CRY1: variants seen among roughly 807,000 people sequenced by gnomAD.
The protein encoded by CRY1 is cryptochrome-1.
CRY1 carries 45 observed loss-of-function variants against 76.0 expected under a neutral mutation model. The observed-to-expected ratio is 0.59, with a 90% confidence interval of 0.47 to 0.76. CRY1 has a LOEUF of 0.76. Among genes scored for constraint, CRY1 ranks in the 30% least tolerant of loss-of-function variants. The pLI is 0.00. For missense variants in CRY1, 587 were observed against 716.4 expected (o/e 0.82, Z 2.06); for synonymous variants, 248 against 244.0 (o/e 1.02, Z -0.15).
chr12:107,036,275 A>ACC (rs1188545997), intron 1 of CRY1, among the ~76,000 whole-genome samples: 1 of 152,208 alleles, frequency 6.6e-6, no homozygotes, highest in Admixed American at 6.5e-5. Context: ...GGTGAACACT[A>ACC]CCACATCATC....
rs182044029 is a variant in CRY1 at position 107,066,859 on chromosome 12, T to C, written c.158+25945A>G. 1.5e-3 allele frequency among the ~76,000 whole-genome samples: 224 copies of C among 152,136 alleles called. 3 individuals carry two copies. Among genetic ancestry groups the C allele is most frequent in the African/African-American group, 5.2e-3 (217 of 41,508 alleles). On this transcript the variant is annotated intron_variant, in intron 1 of 12. Coordinates refer to ENST00000008527, the MANE Select transcript of CRY1 (RefSeq NM_004075.5). ...TGCCCAGGCTGGAGTACAGTGGCAC[T>C]GGAGATCATGGCTCACCACACCCTC...
intron 1 of CRY1, among the ~76,000 whole-genome samples, chr12:107,066,189 C>A (rs1953108078): frequency 6.6e-6 from 1 of 152,162 alleles, no homozygotes; most frequent in African/African-American, 2.4e-5. Flanking sequence ...TTGCCCATCC[C>A]CCAACACCAA....
Position 107,001,873 on chromosome 12 carries a change from T to G in CRY1, c.486A>C (p.Pro162=). 1.9e-6 allele frequency: 3 copies of G among 1,602,524 alleles called. No homozygotes were observed. Among genetic ancestry groups the G allele is most frequent in the South Asian group, 1.1e-5 (1 of 88,078 alleles). Residue 162 remains proline (P), a synonymous_variant, in exon 4 of 13, where the codon CCA becomes CCC. Coordinates refer to ENST00000008527, the MANE Select transcript of CRY1 (RefSeq NM_004075.5). ...TAATTGTCTCTACTGGTATCTCTAG[T>G]GGTTCCATTTTGCTGATGAGAGTCT... ...RFQTLISKME[P]LEIPVETITS...
chr12:106,998,618 G>A (rs1952259966), intron 7 of CRY1, among the ~76,000 whole-genome samples: 1 of 150,540 alleles, frequency 6.6e-6, no homozygotes, highest in Non-Finnish European at 1.5e-5. Flanking sequence ...GTTATATATT[G>A]TCTTTGTATA....
At chr12:107,085,549 AAACT>A (rs1293440171) in intron 1 of CRY1, among the ~76,000 whole-genome samples, 1 of 152,178 alleles carries the variant, frequency 6.6e-6, no homozygotes, top group Non-Finnish European at 1.5e-5. Flanking sequence ...CATTCTCAGC[AAACT>A]AACATAGGAA....
chr12:107,085,627 G>A (rs74873397), intron 1 of CRY1, among the ~76,000 whole-genome samples: 1 of 152,064 alleles, frequency 6.6e-6, no homozygotes, highest in Non-Finnish European at 1.5e-5. Flanking sequence ...ACATGGACAC[G>A]GGGAGGGGAA....
chr12:106,992,644 TGA>T, intron 12 of CRY1, 141 bp downstream of exon 12: 1 of 723,356 alleles, frequency 1.4e-6, no homozygotes, highest in Non-Finnish European at 2.2e-6. Context: ...AAAAATTAAC[TGA>T]GTTTGTAAAA....
intron 2 of CRY1, among the ~76,000 whole-genome samples, chr12:107,007,517 A>AACTCTTTT (rs1458735465): frequency 6.6e-6 from 1 of 151,744 alleles, no homozygotes; most frequent in African/African-American, 2.4e-5. Context: ...GAATGACAGG[A>AACTCTTTT]ACTCTTTTTC....
At chr12:107,020,727 T>C (rs927520544) in intron 2 of CRY1, among the ~76,000 whole-genome samples, 3 of 152,120 alleles carry the variant, frequency 2.0e-5, no homozygotes, top group African/African-American at 7.2e-5. Flanking sequence ...ATCTCTTTTC[T>C]TTATAAATTA....
At chr12:107,005,061 A>C in intron 3 of CRY1, 45 bp downstream of exon 3, 1 of 1,559,914 alleles carries the variant, frequency 6.4e-7, no homozygotes, top group South Asian at 1.2e-5. Flanking sequence ...GGTAAATATT[A>C]TGTTATACGC....
intron 2 of CRY1, among the ~76,000 whole-genome samples, chr12:107,007,254 A>G (rs1187894868): frequency 1.3e-5 from 2 of 152,220 alleles, no homozygotes; most frequent in African/African-American, 2.4e-5. Context: ...CTAACAAGTT[A>G]GACTTCCTAA....
chr12:106,993,187 C>T, intron 10 of CRY1, 151 bp from the exon 11 acceptor site: 1 of 744,954 alleles, frequency 1.3e-6, no homozygotes, highest in Non-Finnish European at 2.1e-6. Context: ...AACCAAAAAT[C>T]ACATGCTCAA....
chr12:107,031,588 G>A (rs187881726), intron 1 of CRY1, among the ~76,000 whole-genome samples: 13 of 152,218 alleles, frequency 8.5e-5, no homozygotes, highest in African/African-American at 2.4e-4. Flanking sequence ...AACAACACCA[G>A]TGATAGGTCA....
intron 3 of CRY1, among the ~76,000 whole-genome samples, chr12:107,004,085 G>A (rs1227109456): frequency 6.6e-6 from 1 of 152,142 alleles, no homozygotes; most frequent in African/African-American, 2.4e-5. Flanking sequence ...GATTACAGGT[G>A]TGAGCCATCG....
intron 1 of CRY1, among the ~76,000 whole-genome samples, chr12:107,048,004 A>G (rs1952869764): frequency 6.6e-6 from 1 of 152,230 alleles, no homozygotes; most frequent in African/African-American, 2.4e-5. Context: ...ACCAATAGGT[A>G]GACTAATATA....
At chr12:107,091,140 T>C (rs932087435) in intron 1 of CRY1, among the ~76,000 whole-genome samples, 2 of 151,974 alleles carry the variant, frequency 1.3e-5, no homozygotes, top group African/African-American at 2.4e-5. Flanking sequence ...CCTAGGTTCA[T>C]GCGATTCTCG....
chr12:107,086,421 CA>C (rs1260148394), intron 1 of CRY1, among the ~76,000 whole-genome samples: 1 of 152,156 alleles, frequency 6.6e-6, no homozygotes, highest in Admixed American at 6.5e-5. Context: ...CAGTTGTTAA[CA>C]GTCAAGACAA....
intron 1 of CRY1, among the ~76,000 whole-genome samples, chr12:107,062,025 CAAAA>C (rs35683352): frequency 1.1e-5 from 1 of 93,564 alleles, no homozygotes; most frequent in Non-Finnish European, 2.0e-5. Flanking sequence ...GACCCTGTCT[CAAAA>C]AAAAAAAAAA....
intron 1 of CRY1, among the ~76,000 whole-genome samples, chr12:107,034,278 T>C (rs777997371): frequency 1.3e-5 from 2 of 151,914 alleles, no homozygotes; most frequent in Non-Finnish European, 2.9e-5. Context: ...CAAGACAACA[T>C]CCAGATGTTA....
Sources: allele counts gnomAD v4.1 joint callset (sites outside exome capture counted in the v4.1 genomes callset), GRCh38; gene constraint gnomAD v4.1.1; transcripts MANE v1.5; gene names NCBI Gene and HGNC (gene_info 2026-07-23, HGNC 2026-07-21).